The following SLC25A40 variants were observed in gnomAD, a reference collection of about 807,000 sequenced individuals.
SLC25A40 encodes solute carrier family 25 member 40.
SLC25A40 carries 41 observed loss-of-function variants against 46.5 expected under a neutral mutation model. The observed-to-expected ratio is 0.88, with a 90% CI of 0.69 to 1.14. SLC25A40 has a LOEUF of 1.14. Ranked by LOEUF, SLC25A40 falls within the 50% of genes most tolerant of loss-of-function variation. The pLI is 0.00. For missense variants in SLC25A40, 386 were observed against 393.6 expected, an observed-to-expected ratio of 0.98 and a Z score of 0.16; for synonymous variants, 126 against 127.5, an observed-to-expected ratio of 0.99 and a Z score of 0.08.
At chr7:87,856,577 T>G (rs924913637) in intron 3 of SLC25A40, among the ~76,000 whole-genome samples, 9 of 152,146 alleles carry the variant, frequency 5.9e-5, no homozygotes, top group Non-Finnish European at 1.3e-4. Flanking sequence ...AGTACTAAAC[T>G]GTTATTTGTA....
At chr7:87,873,819 A>G (rs1217589015) in intron 1 of SLC25A40, among the ~76,000 whole-genome samples, 2 of 152,228 alleles carry the variant, frequency 1.3e-5, no homozygotes, top group African/African-American at 2.4e-5. Context: ...TCACAGCCAC[A>G]TATTCATTTA....
chr7:87,866,650 G>A (rs1218279031), intron 1 of SLC25A40, among the ~76,000 whole-genome samples: 1 of 152,200 alleles, frequency 6.6e-6, no homozygotes, highest in East Asian at 1.9e-4. Flanking sequence ...TAACCGCTCA[G>A]CGGCATTCCA....
intron 5 of SLC25A40, among the ~76,000 whole-genome samples, chr7:87,851,937 T>A (rs779532075): frequency 6.6e-6 from 1 of 152,016 alleles, no homozygotes; most frequent in Non-Finnish European, 1.5e-5. Context: ...AAAGAGAAAA[T>A]TTTTTTAAAA....
In SLC25A40 at chr7:87,849,799, G is replaced by C. The variant is rs1052356054; in HGVS notation, c.332+82C>G. ...ATGAAAGCATTCTAATATTAAAAATGCAAGACTTTGTCCAACCATGCTGAT... is the reference window on the plus strand; with the variant it reads ...ATGAAAGCATTCTAATATTAAAAATCCAAGACTTTGTCCAACCATGCTGAT... On this transcript the variant is annotated intron_variant, in intron 6 of 11. Coordinates refer to ENST00000341119, the MANE Select transcript of SLC25A40 (RefSeq NM_018843.4). 4.0e-6 allele frequency: 4 copies of C among 1,011,410 alleles called. No homozygotes were observed. The African/African-American group carries it at 5.0e-5, about 13-fold the overall frequency. 62.7% of individuals were successfully genotyped at this position (1,011,410 alleles called of 1,614,324 possible).
intron 5 of SLC25A40, among the ~76,000 whole-genome samples, chr7:87,850,634 G>A (rs565487346): frequency 1.3e-5 from 2 of 152,148 alleles, no homozygotes; most frequent in East Asian, 3.9e-4. Context: ...TGGGCATGGT[G>A]ACGCACTCCT....
intron 1 of SLC25A40, among the ~76,000 whole-genome samples, chr7:87,871,142 C>A (rs543793198): frequency 1.3e-5 from 2 of 152,330 alleles, no homozygotes; most frequent in South Asian, 4.1e-4. Context: ...AGGGGTGGAA[C>A]AGCGAGTGAG....
intron 1 of SLC25A40, among the ~76,000 whole-genome samples, chr7:87,868,732 C>T (rs1038940587): frequency 6.6e-5 from 10 of 152,156 alleles, no homozygotes; most frequent in Admixed American, 2.0e-4. Flanking sequence ...CTGCAGGAAC[C>T]TCAACATATT....
At chr7:87,843,920 TA>T (rs1174121906) in intron 8 of SLC25A40, 57 bp from the exon 9 acceptor site, 143 of 1,468,896 alleles carry the variant, frequency 9.7e-5, no homozygotes, top group Admixed American at 5.1e-4. Context: ...TGGACTTTAA[TA>T]AAAGAGTTAT....
chr7:87,871,890 C>G (rs1216330595), intron 1 of SLC25A40, among the ~76,000 whole-genome samples: 1 of 152,138 alleles, frequency 6.6e-6, no homozygotes, highest in Non-Finnish European at 1.5e-5. Context: ...CTCCTGTAAG[C>G]TTTGACAGTT....
intron 1 of SLC25A40, among the ~76,000 whole-genome samples, chr7:87,870,256 ATAGT>A (rs1307214910): frequency 6.6e-6 from 1 of 151,206 alleles, no homozygotes; most frequent in African/African-American, 2.4e-5. Flanking sequence ...CACTTTCTTC[ATAGT>A]GTTCTTCAAC....
At position 87,835,134 on chromosome 7, in the gene SLC25A40, A is replaced by C. The variant is rs960001292; in HGVS notation, c.*1115T>G. On this transcript the variant is annotated 3_prime_UTR_variant, in exon 12 of 12. Transcript: ENST00000341119. ...ATAGATCCTAAGAAAATAAAACTAAAGTATAAAAAATGAATAGCATTTCTT... is the reference window on the plus strand; with the variant it reads ...ATAGATCCTAAGAAAATAAAACTAACGTATAAAAAATGAATAGCATTTCTT... 2 of 151,478 alleles carry C rather than the reference A, an allele frequency of 1.3e-5. No individual in the cohort carries two copies. Among genetic ancestry groups the C allele is most frequent in the African/African-American group, 4.8e-5 (2 of 41,372 alleles). 9.4% of individuals were successfully genotyped at this position (151,478 alleles called of 1,614,324 possible).
chr7:87,855,976 C>CG (rs1392759199), intron 4 of SLC25A40, among the ~76,000 whole-genome samples: 1 of 152,050 alleles, frequency 6.6e-6, no homozygotes, highest in Admixed American at 6.6e-5. Flanking sequence ...CTAACATGGG[C>CG]ACAACTTTTG....
At chr7:87,836,955 GTTTTAT>G (rs1240191850) in intron 10 of SLC25A40, 145 bp from the exon 11 acceptor site, 4 of 420,988 alleles carry the variant, frequency 9.5e-6, no homozygotes, top group African/African-American at 8.4e-5. Context: ...GCTACTTTAA[GTTTTAT>G]TTTTAATAGT....
rs138010553 is a variant in SLC25A40 at position 87,856,609 on chromosome 7, C to T, written c.98-258G>A. 1.1e-4 allele frequency among the ~76,000 whole-genome samples: 17 copies of T among 152,166 alleles called. No homozygotes were observed. In the East Asian group the frequency reaches 3.3e-3, roughly 29 times the overall value. On this transcript the variant is annotated intron_variant, in intron 3 of 11. Coordinates refer to ENST00000341119, the MANE Select transcript of SLC25A40 (RefSeq NM_018843.4). ...TGTAATATTCCTACAACTATCATTACATTAGCATTAAAGTCAGTATTTATA... is the reference window on the plus strand; with the variant it reads ...TGTAATATTCCTACAACTATCATTATATTAGCATTAAAGTCAGTATTTATA...
chr7:87,834,038 A>ATGTT lies in SLC25A40; in HGVS notation c.*2207_*2210dup, dbSNP rs1174391583. 1 of 151,992 alleles carries ATGTT rather than the reference A, an allele frequency of 6.6e-6. No individual in the cohort carries two copies. Among genetic ancestry groups the ATGTT allele is most frequent in the African/African-American group, 2.4e-5 (1 of 41,420 alleles). The allele number at this position is 151,992 out of a possible 1,614,324, so 9.4% of individuals were successfully genotyped here. ...CTAAAATTTTACATTAATCAATTAA[A>ATGTT]TGTTTATGTTAGAAAATTTAACATT... On this transcript the variant is annotated 3_prime_UTR_variant, in exon 12 of 12. Transcript: ENST00000341119.
intron 9 of SLC25A40, among the ~76,000 whole-genome samples, chr7:87,842,827 A>G (rs1211991021): frequency 6.6e-6 from 1 of 152,092 alleles, no homozygotes; most frequent in African/African-American, 2.4e-5. Flanking sequence ...GGTTAAATAG[A>G]AATAGTACAA....
chr7:87,860,833 A>G (rs1838685045), intron 1 of SLC25A40, among the ~76,000 whole-genome samples, 193 bp from the exon 2 acceptor site: 1 of 152,224 alleles, frequency 6.6e-6, no homozygotes, highest in Non-Finnish European at 1.5e-5. Context: ...CATTTTCACA[A>G]AAACCTCATG....
In SLC25A40 at chr7:87,843,821, C is replaced by A; in HGVS notation, c.674G>T (p.Cys225Phe). The A allele has an allele frequency of 6.2e-7, 1 of 1,610,934 alleles. No homozygotes were observed. Among genetic ancestry groups the A allele is most frequent in the Non-Finnish European group, 8.5e-7 (1 of 1,177,958 alleles). ...YNYEILKKWL[C>F]EKSGLYEPTF... ...TGGCTCATATAAACCAGATTTCTCA[C>A]ATAACCACTTCTTTAAAATTTCATA... The change falls in exon 9 of 12, where the codon TGT becomes TTT. Residue 225 changes from cysteine to phenylalanine, a missense_variant. Physicochemically the swap from Cys to Phe is radical, Grantham distance 205. Transcript: ENST00000341119.
chr7:87,839,587 A>G (rs2130995467), intron 10 of SLC25A40, among the ~76,000 whole-genome samples: 1 of 151,830 alleles, frequency 6.6e-6, no homozygotes, highest in Admixed American at 6.6e-5. Context: ...TTAATAATAT[A>G]TGACACACTC....
Sources: gnomAD v4.1 joint callset for allele counts (sites outside exome capture counted in the v4.1 genomes callset) on GRCh38, gnomAD v4.1.1 for gene constraint, MANE v1.5 for transcripts, NCBI Gene and HGNC (gene_info 2026-07-23, HGNC 2026-07-21) for gene names.